The following NTNG1 variants were observed in gnomAD, a reference collection of about 807,000 sequenced individuals.
NTNG1 encodes netrin-G1.
A neutral mutation model predicts 54.0 loss-of-function variants in NTNG1; 16 were observed. The ratio of observed to expected loss-of-function variants is 0.30; its 90% CI spans 0.20 to 0.45. The LOEUF (loss-of-function observed/expected upper bound fraction) is 0.45, where lower values mean the gene tolerates loss of function less well. Ranked by LOEUF, NTNG1 falls within the 20% of genes least tolerant of loss-of-function variation. The probability of loss-of-function intolerance (pLI) is 1.00; values close to 1 mark genes in which losing one functional copy is unlikely to be tolerated. For synonymous variants in NTNG1, 255 were observed against 263.1 expected (o/e 0.97, Z 0.30); for missense variants, 530 against 678.7 (o/e 0.78, Z 2.43).
chr1:107,319,431 C>T (rs7542677), intron 2 of NTNG1, among the ~76,000 whole-genome samples: 12,318 of 152,042 alleles, frequency 0.081, 548 homozygotes, highest in Middle Eastern at 0.15. Context: ...CTCTGAGAAA[C>T]GAATAGTAGG....
intron 5 of NTNG1, chr1:107,408,040 C>A: frequency 2.3e-6 from 1 of 439,904 alleles, no homozygotes; most frequent in Non-Finnish European, 4.3e-6. Context: ...ACTTAGCAAC[C>A]AACAAACAAA....
chr1:107,474,457 A>T (rs1678183288), intron 7 of NTNG1, among the ~76,000 whole-genome samples: 1 of 152,242 alleles, frequency 6.6e-6, no homozygotes, highest in Non-Finnish European at 1.5e-5. Flanking sequence ...TCATGCCAGT[A>T]CTATCAACTC....
intron 7 of NTNG1, among the ~76,000 whole-genome samples, chr1:107,473,695 A>ATCAGTTCTT (rs1169679846): frequency 6.6e-6 from 1 of 152,246 alleles, no homozygotes; most frequent in Non-Finnish European, 1.5e-5. Context: ...ATGCTGCTTG[A>ATCAGTTCTT]TCAGTTCTTT....
intron 3 of NTNG1, among the ~76,000 whole-genome samples, chr1:107,336,309 C>T (rs1417476982): frequency 6.6e-6 from 1 of 151,414 alleles, no homozygotes; most frequent in East Asian, 1.9e-4. Context: ...TAAACCCTCA[C>T]ATGTATGGTC....
chr1:107,473,140 A>T (rs1678092096), intron 7 of NTNG1, among the ~76,000 whole-genome samples: 1 of 152,212 alleles, frequency 6.6e-6, no homozygotes, highest in Admixed American at 6.5e-5. Flanking sequence ...CTTTATTAAT[A>T]CAACCATCAA....
chr1:107,445,659 A>G (rs1255498144), intron 7 of NTNG1, among the ~76,000 whole-genome samples: 1 of 152,098 alleles, frequency 6.6e-6, no homozygotes, highest in Non-Finnish European at 1.5e-5. Context: ...TACTTTGCAG[A>G]TGGAGACAGA....
At chr1:107,376,477 C>T (rs1671269386) in intron 3 of NTNG1, among the ~76,000 whole-genome samples, 1 of 151,694 alleles carries the variant, frequency 6.6e-6, no homozygotes, top group Non-Finnish European at 1.5e-5. Context: ...GATTGAGAAG[C>T]AGAGGCATTA....
intron 4 of NTNG1, among the ~76,000 whole-genome samples, chr1:107,407,298 C>G (rs1035230342): frequency 1.3e-5 from 2 of 152,100 alleles, no homozygotes; most frequent in South Asian, 4.1e-4. Context: ...ATTTGGTACT[C>G]TGTACCCATA....
intron 2 of NTNG1, among the ~76,000 whole-genome samples, chr1:107,305,707 G>A (rs1364414274): frequency 2.0e-5 from 3 of 152,060 alleles, no homozygotes; most frequent in African/African-American, 7.2e-5. Context: ...TCACTCTGAT[G>A]ATAGTTTCTT....
intron 3 of NTNG1, among the ~76,000 whole-genome samples, chr1:107,347,833 G>A (rs1212469136): frequency 1.3e-5 from 2 of 152,102 alleles, no homozygotes; most frequent in African/African-American, 4.8e-5. Context: ...GCCAGCAGGG[G>A]AAATGCCAGA....
intron 5 of NTNG1, among the ~76,000 whole-genome samples, chr1:107,426,920 G>A (rs1557990763): frequency 6.6e-6 from 1 of 151,800 alleles, no homozygotes; most frequent in African/African-American, 2.4e-5. Flanking sequence ...GTATTCCTAG[G>A]TATTTTATTT....
At chr1:107,393,811 T>C (rs1337605714) in intron 3 of NTNG1, among the ~76,000 whole-genome samples, 1 of 152,134 alleles carries the variant, frequency 6.6e-6, no homozygotes, top group Non-Finnish European at 1.5e-5. Flanking sequence ...TGGCCATTGC[T>C]ATACAGACAT....
chr1:107,468,869 G>A (rs918323937), intron 7 of NTNG1, among the ~76,000 whole-genome samples: 10 of 152,102 alleles, frequency 6.6e-5, no homozygotes, highest in Admixed American at 2.6e-4. Context: ...AGGCCAAGGT[G>A]GGCGGATCAT....
At chr1:107,464,907 A>G (rs182307461) in intron 7 of NTNG1, among the ~76,000 whole-genome samples, 176 of 152,302 alleles carry the variant, frequency 1.2e-3, no homozygotes, top group African/African-American at 4.1e-3. Flanking sequence ...TGAGATGCCC[A>G]CAGGGAAGGA....
At chr1:107,368,384 T>C (rs74225257) in intron 3 of NTNG1, among the ~76,000 whole-genome samples, 16,288 of 152,130 alleles carry the variant, frequency 0.11, 1,051 homozygotes, top group East Asian at 0.23. Flanking sequence ...CATTTCACCT[T>C]GCATAATGAT....
intron 2 of NTNG1, among the ~76,000 whole-genome samples, chr1:107,230,849 C>G (rs938681052): frequency 6.6e-6 from 1 of 152,014 alleles, no homozygotes; most frequent in Non-Finnish European, 1.5e-5. Context: ...GATAATACAG[C>G]AATAAGATGC....
chr1:107,310,052 C>T (rs569650468), intron 2 of NTNG1, among the ~76,000 whole-genome samples: 1 of 152,180 alleles, frequency 6.6e-6, no homozygotes, highest in African/African-American at 2.4e-5. Flanking sequence ...TAGAAAGCCC[C>T]TTTTAAAATT....
At chr1:107,323,966 G>A (rs956628522) in intron 2 of NTNG1, among the ~76,000 whole-genome samples, 9 of 152,060 alleles carry the variant, frequency 5.9e-5, no homozygotes, top group East Asian at 1.9e-4. Context: ...AAGAGGAAGC[G>A]GAGGTATTGA....
intron 7 of NTNG1, among the ~76,000 whole-genome samples, chr1:107,468,514 T>G (rs1159894363): frequency 6.6e-6 from 1 of 152,238 alleles, no homozygotes; most frequent in Non-Finnish European, 1.5e-5. Context: ...TGTATGGGGT[T>G]GGAAAGATTG....
Sources: allele counts gnomAD v4.1 joint callset (sites outside exome capture counted in the v4.1 genomes callset), GRCh38; gene constraint gnomAD v4.1.1; transcripts MANE v1.5; gene names NCBI Gene and HGNC (gene_info 2026-07-23, HGNC 2026-07-21).